MKKS: variants seen among roughly 807,000 people sequenced by gnomAD.
MKKS encodes the protein molecular chaperone MKKS.
A neutral mutation model predicts 33.2 loss-of-function variants in MKKS; 29 were observed. That is an observed-to-expected ratio of 0.87 (90% CI 0.65 to 1.19). The LOEUF (loss-of-function observed/expected upper bound fraction) is 1.19, where lower values mean the gene tolerates loss of function less well. MKKS is among the 50% of genes most tolerant of loss of function. The pLI is 0.00. For synonymous variants in MKKS, 260 were observed against 244.0 expected (o/e 1.07, Z -0.61); for missense variants, 661 against 662.3 (o/e 1.00, Z 0.02).
chr20:10,405,398 A>G lies in MKKS; in HGVS notation c.1562T>C (p.Val521Ala). 1 of 1,614,204 alleles carries G rather than the reference A, an allele frequency of 6.2e-7. No individual in the cohort carries two copies. Residue 521 changes from valine to alanine, a missense_variant, in exon 6 of 6, where the codon GTG becomes GCG. Transcript: ENST00000347364. ...SFLRSTRRPF[V>A]PQSCLPHEAV... ...TTCATGTGGAAGGCAGCTTTGTGGCACAAATGGACGACGTGTGCTTCTTAA... is the reference window on the plus strand; with the variant it reads ...TTCATGTGGAAGGCAGCTTTGTGGCGCAAATGGACGACGTGTGCTTCTTAA...
At chr20:10,433,248 G>A (rs1354449600) in intron 1 of MKKS, among the ~76,000 whole-genome samples, 4 of 152,122 alleles carry the variant, frequency 2.6e-5, no homozygotes, top group Non-Finnish European at 5.9e-5. Flanking sequence ...CAAGTGATCC[G>A]CCCGCCTCGG....
intron 2 of MKKS, 45 bp from the exon 3 acceptor site, chr20:10,413,976 C>A (rs763886318): frequency 6.5e-5 from 26 of 401,820 alleles, no homozygotes; most frequent in Non-Finnish European, 1.1e-4. Flanking sequence ...ACTTCCCAAG[C>A]AGTTTGTAGA....
intron 1 of MKKS, among the ~76,000 whole-genome samples, chr20:10,421,228 G>A (rs1282636409): frequency 6.6e-6 from 1 of 152,054 alleles, no homozygotes; most frequent in Admixed American, 6.6e-5. Flanking sequence ...TCAGGAGTTC[G>A]AGACCAGCCT....
In MKKS at chr20:10,405,575, T is replaced by G. The variant is rs769217715; in HGVS notation, c.1385A>C (p.Glu462Ala). Reference protein sequence around the residue: ...SALESVVGSLEHDGGEILTDM... With the variant: ...SALESVVGSLAHDGGEILTDM... The stretch of plus-strand genomic sequence containing the variant: ...AGTGAGAATTTCACCTCCATCATGT[T>G]CTAAAGAGCCAACAACAGATTCTAG... The change falls in exon 6 of 6, where the codon GAA becomes GCA. Residue 462 changes from glutamate to alanine, a missense_variant. By Grantham distance (107) the Glu-to-Ala change is moderately radical. Transcript: ENST00000347364. 2.5e-6 allele frequency: 4 copies of G among 1,614,204 alleles called. No homozygotes were observed. The South Asian group carries it at 4.4e-5, about 18-fold the overall frequency.
intron 1 of MKKS, among the ~76,000 whole-genome samples, chr20:10,421,293 G>A (rs974844857): frequency 1.9e-4 from 29 of 151,746 alleles, no homozygotes; most frequent in Admixed American, 5.3e-4. Flanking sequence ...ATATGGTGGC[G>A]CATGCCTGTA....
Position 10,401,075 on chromosome 20 carries a change from G to T in MKKS, c.*4172C>A, listed in dbSNP as rs965506175. On this transcript the variant is annotated 3_prime_UTR_variant, in exon 6 of 6. Transcript: ENST00000347364. ...CAAAGAGAATTTTTAATAGGAGATT[G>T]TCAAGCTGTTTTATTTCCCTCTAAA... is the stretch of plus-strand genomic sequence containing the variant. 6.6e-6 allele frequency: 1 copy of T among 152,108 alleles called. No homozygotes were observed. The highest frequency in any genetic ancestry group is 6.5e-5 in the Admixed American group (1 of 15,268). 9.4% of individuals were successfully genotyped at this position (152,108 alleles called of 1,614,324 possible).
chr20:10,429,715 T>C (rs2065041165), intron 1 of MKKS, among the ~76,000 whole-genome samples: 1 of 152,188 alleles, frequency 6.6e-6, no homozygotes, highest in South Asian at 2.1e-4. Flanking sequence ...TAAGTGTTTC[T>C]TTACATAATC....
chr20:10,408,673 G>T lies in MKKS; in HGVS notation c.1116C>A (p.Ser372Arg). Reference sequence around the variant, plus strand: ...TGTCATTTCTGTTGCAGAGAAGCAAGCTGCAGATTGTTGCTTCATTAGGAA... The same window carrying T: ...TGTCATTTCTGTTGCAGAGAAGCAATCTGCAGATTGTTGCTTCATTAGGAA... ...HLIPNEATIC[S>R]LLLCNRNDTA... is the part of the protein sequence containing the mutation. The change falls in exon 4 of 6, where the codon AGC becomes AGA. Residue 372 changes from serine (S) to arginine (R), a missense_variant. By Grantham distance (110) the Ser-to-Arg change is moderately radical. Transcript: ENST00000347364. 6.2e-7 allele frequency: 1 copy of T among 1,614,060 alleles called. No homozygotes were observed. The highest frequency in any genetic ancestry group is 2.2e-5 in the East Asian group (1 of 44,860).
At chr20:10,414,525 A>C (rs999542262) in intron 2 of MKKS, among the ~76,000 whole-genome samples, 7 of 152,104 alleles carry the variant, frequency 4.6e-5, no homozygotes, top group African/African-American at 1.7e-4. Context: ...TCTGCCTCCC[A>C]AAGTGCTGGG....
intron 4 of MKKS, 109 bp from the exon 5 acceptor site, chr20:10,407,835 C>G (rs1409663789): frequency 1.2e-6 from 1 of 846,650 alleles, no homozygotes; most frequent in Non-Finnish European, 1.9e-6. Flanking sequence ...ATTTTAATTA[C>G]AAAAGAACAA....
intron 3 of MKKS, among the ~76,000 whole-genome samples, chr20:10,411,584 T>C (rs1215472378): frequency 6.6e-6 from 1 of 152,242 alleles, no homozygotes; most frequent in African/African-American, 2.4e-5. Flanking sequence ...TGACAGTCAT[T>C]TGAGTCTTAC....
chr20:10,412,889 A>G lies in MKKS; in HGVS notation c.626T>C (p.Val209Ala). The G allele has an allele frequency of 6.2e-7, 1 of 1,614,018 alleles. No homozygotes were observed. The highest frequency in any genetic ancestry group is 1.6e-4 in the Middle Eastern group (1 of 6,062). The change falls in exon 3 of 6, where the codon GTT becomes GCT. Residue 209 changes from valine to alanine, a missense_variant. Physicochemically the swap from Val to Ala is moderately conservative, Grantham distance 64 (BLOSUM62 0). Coordinates refer to ENST00000347364, the MANE Select transcript of MKKS (RefSeq NM_170784.3). ...SLIVPLKGQR[V>A]IDSTVLPGIL... ...CCCAGGTAATACAGTGGAATCTATA[A>G]CTCTTTGACCTTTTAAAGGTACAAT... is the stretch of plus-strand genomic sequence containing the variant.
intron 2 of MKKS, among the ~76,000 whole-genome samples, chr20:10,416,185 A>G (rs1461006134): frequency 6.6e-6 from 1 of 152,202 alleles, no homozygotes; most frequent in Non-Finnish European, 1.5e-5. Flanking sequence ...GGATAACTTA[A>G]TTAAAATAAC....
chr20:10,403,552 C>T lies in MKKS; in HGVS notation c.*1695G>A, dbSNP rs1444885925. 1 of 152,192 alleles carries T rather than the reference C, an allele frequency of 6.6e-6. No individual in the cohort carries two copies. The highest frequency in any genetic ancestry group is 1.5e-5 in the Non-Finnish European group (1 of 68,066). 9.4% of individuals were successfully genotyped at this position (152,192 alleles called of 1,614,324 possible). A position where few individuals can be genotyped will look rare whatever the true frequency, so the allele number is the denominator to read the frequency against. Reference sequence around the variant, plus strand: ...TTCTTTAAGTACAGTTCCTGGAACACAGTTGCTTTCCATCTGTAGACCCAT... The same window carrying T: ...TTCTTTAAGTACAGTTCCTGGAACATAGTTGCTTTCCATCTGTAGACCCAT... On this transcript the variant is annotated 3_prime_UTR_variant, in exon 6 of 6. Coordinates refer to ENST00000347364, the MANE Select transcript of MKKS (RefSeq NM_170784.3).
chr20:10,422,134 ATGT>A (rs2064984671), intron 1 of MKKS, among the ~76,000 whole-genome samples: 1 of 152,312 alleles, frequency 6.6e-6, no homozygotes, highest in East Asian at 1.9e-4. Flanking sequence ...ATAATAAAAG[ATGT>A]TATCTTATAG....
In MKKS at chr20:10,405,478, A is replaced by G; in HGVS notation, c.1482T>C (p.Leu494=). 1 of 1,614,186 alleles carries G rather than the reference A, an allele frequency of 6.2e-7. No homozygotes were observed. Among genetic ancestry groups the G allele is most frequent in the Non-Finnish European group, 8.5e-7 (1 of 1,180,038 alleles). ...SPCVANWPDL[L]SQCGCGLYNS... Reference sequence around the variant, plus strand: ...TGTATAATCCACAGCCACACTGTGAAAGCAAATCTGGCCAGTTAGCAACAC... The same window carrying G: ...TGTATAATCCACAGCCACACTGTGAGAGCAAATCTGGCCAGTTAGCAACAC... The change falls in exon 6 of 6, where the codon CTT becomes CTC. Residue 494 remains leucine (L), a synonymous_variant. Coordinates refer to ENST00000347364, the MANE Select transcript of MKKS (RefSeq NM_170784.3).
At chr20:10,418,246 G>C (rs2064954773) in intron 2 of MKKS, among the ~76,000 whole-genome samples, 1 of 152,202 alleles carries the variant, frequency 6.6e-6, no homozygotes. Flanking sequence ...GATAAAAGAA[G>C]ACTGGCAAAA....
chr20:10,405,811 G>T, intron 5 of MKKS, 124 bp from the exon 6 acceptor site: 1 of 1,018,670 alleles, frequency 9.8e-7, no homozygotes, highest in Non-Finnish European at 1.5e-6. Context: ...TTTAATTTGG[G>T]GTCTGGCACA....
Position 10,405,640 on chromosome 20 carries a change from T to C in MKKS, c.1320A>G (p.Gln440=), listed in dbSNP as rs765205469. Residue 440 remains glutamine (Q), a synonymous_variant, in exon 6 of 6, where the codon CAA becomes CAG. Transcript: ENST00000347364. ...ESILKDDECT[Q]TELQLIAEAF... Reference sequence around the variant, plus strand: ...CTTCAGCAATTAATTGAAGTTCTGTTTGAGTACATTCATCATCTTTGAGAA... The same window carrying C: ...CTTCAGCAATTAATTGAAGTTCTGTCTGAGTACATTCATCATCTTTGAGAA... 1 of 1,614,186 alleles carries C rather than the reference T, an allele frequency of 6.2e-7. No homozygotes were observed. Among genetic ancestry groups the C allele is most frequent in the Non-Finnish European group, 8.5e-7 (1 of 1,180,014 alleles).
Sources: allele counts gnomAD v4.1 joint callset (sites outside exome capture counted in the v4.1 genomes callset), GRCh38; gene constraint gnomAD v4.1.1; transcripts MANE v1.5; gene names NCBI Gene and HGNC (gene_info 2026-07-23, HGNC 2026-07-21).